Variants in MAML3 observed in about 807,000 individuals in gnomAD.
MAML3 encodes the protein mastermind-like protein 3.
In MAML3, 27 loss-of-function variants were observed where a neutral mutation model predicts 101.9. That is an observed-to-expected ratio of 0.27 (90% CI 0.20 to 0.37). MAML3 has a LOEUF of 0.37. Ranked by LOEUF, MAML3 falls within the 10% of genes least tolerant of loss-of-function variation. MAML3 has a pLI of 1.00. For missense variants in MAML3, 1,316 were observed against 1,444.9 expected (o/e 0.91, Z 1.45); for synonymous variants, 501 against 555.9 (o/e 0.90, Z 1.39).
chr4:139,975,128 T>C (rs1159999490), intron 1 of MAML3, among the ~76,000 whole-genome samples: 1 of 152,090 alleles, frequency 6.6e-6, no homozygotes, highest in Non-Finnish European at 1.5e-5. Context: ...CTCTCTCAGA[T>C]AAAAGCCAAA....
chr4:139,934,391 G>C (rs1221279068), intron 1 of MAML3, among the ~76,000 whole-genome samples: 1 of 152,002 alleles, frequency 6.6e-6, no homozygotes, highest in Non-Finnish European at 1.5e-5. Flanking sequence ...GGAAATAAGA[G>C]GGTGTGTGAA....
chr4:140,087,711 T>C (rs1343116367), intron 1 of MAML3, among the ~76,000 whole-genome samples: 2 of 152,216 alleles, frequency 1.3e-5, no homozygotes, highest in Non-Finnish European at 2.9e-5. Context: ...AATGAGGGTG[T>C]GTACTTTTCA....
At chr4:140,094,516 GC>G (rs1371568355) in intron 1 of MAML3, among the ~76,000 whole-genome samples, 2 of 152,142 alleles carry the variant, frequency 1.3e-5, no homozygotes, top group Non-Finnish European at 1.5e-5. Flanking sequence ...CTTCTCTCAG[GC>G]CTTCTAATTA....
chr4:139,734,063 C>G (rs1301715621), intron 2 of MAML3, among the ~76,000 whole-genome samples: 1 of 152,172 alleles, frequency 6.6e-6, no homozygotes, highest in African/African-American at 2.4e-5. Flanking sequence ...CTGCGGCATT[C>G]AACAGTGGAT....
At chr4:139,772,799 A>G (rs1730022710) in intron 2 of MAML3, among the ~76,000 whole-genome samples, 1 of 151,728 alleles carries the variant, frequency 6.6e-6, no homozygotes, top group African/African-American at 2.4e-5. Context: ...ACCATAGGAA[A>G]GAATAAAGTA....
chr4:139,822,225 TCACCAC>T (rs34942904), intron 2 of MAML3, among the ~76,000 whole-genome samples: 3,214 of 126,646 alleles, frequency 0.025, 88 homozygotes, highest in African/African-American at 0.062. Flanking sequence ...ATTATCACCA[TCACCAC>T]CACCACCACC....
At chr4:139,917,945 G>A (rs777285178) in intron 1 of MAML3, among the ~76,000 whole-genome samples, 3 of 152,068 alleles carry the variant, frequency 2.0e-5, no homozygotes, top group South Asian at 2.1e-4. Flanking sequence ...TACTTGAGGC[G>A]AGTCCCTTTA....
chr4:139,899,462 T>C (rs544811820), intron 1 of MAML3, among the ~76,000 whole-genome samples: 14 of 152,364 alleles, frequency 9.2e-5, no homozygotes, highest in African/African-American at 3.1e-4. Context: ...CTCCACATTA[T>C]ATATTTCCCT....
intron 2 of MAML3, among the ~76,000 whole-genome samples, chr4:139,751,528 T>C (rs1729500245): frequency 6.6e-6 from 1 of 152,256 alleles, no homozygotes; most frequent in Admixed American, 6.5e-5. Flanking sequence ...GTGTGAAATT[T>C]TCCACATGTG....
intron 2 of MAML3, among the ~76,000 whole-genome samples, chr4:139,881,472 A>C (rs1347913021): frequency 6.6e-6 from 1 of 152,160 alleles, no homozygotes; most frequent in South Asian, 2.1e-4. Context: ...AAAACAATCT[A>C]CAAACATTGA....
intron 2 of MAML3, among the ~76,000 whole-genome samples, chr4:139,763,535 G>A (rs886767919): frequency 3.9e-5 from 6 of 152,094 alleles, no homozygotes; most frequent in South Asian, 2.1e-4. Flanking sequence ...AGGTTCAGGG[G>A]GAGCCGAAAT....
Position 140,130,915 on chromosome 4 carries a change from G to A in MAML3, c.468+21945C>T, listed in dbSNP as rs767332933. Among the ~76,000 whole-genome samples, 7 of 152,170 alleles carry A rather than the reference G, an allele frequency of 4.6e-5. No homozygotes were observed. In the South Asian group the frequency reaches 6.2e-4, roughly 14 times the overall value. On this transcript the variant is annotated intron_variant, in intron 1 of 4. Transcript: ENST00000509479. ...ATAAGCAACACAGGACAACTGCCAC[G>A]TCATGTATAAGGTGCTAGGAGAGCA...
At chr4:139,973,485 G>A (rs1328958442) in intron 1 of MAML3, among the ~76,000 whole-genome samples, 1 of 152,190 alleles carries the variant, frequency 6.6e-6, no homozygotes, top group African/African-American at 2.4e-5. Context: ...GTTAAGTGTA[G>A]TAAGTGTAGG....
At chr4:139,892,395 T>C (rs1291621383) in intron 1 of MAML3, among the ~76,000 whole-genome samples, 2 of 152,080 alleles carry the variant, frequency 1.3e-5, no homozygotes, top group African/African-American at 4.8e-5. Context: ...GGATTCCACC[T>C]CCAAAATATA....
At chr4:140,002,352 G>GCC (rs1734940455) in intron 1 of MAML3, among the ~76,000 whole-genome samples, 1 of 152,006 alleles carries the variant, frequency 6.6e-6, no homozygotes, top group Non-Finnish European at 1.5e-5. Flanking sequence ...TTCTCTACCT[G>GCC]ATGTCTGCCC....
chr4:139,741,891 C>T (rs62322603), intron 2 of MAML3, among the ~76,000 whole-genome samples: 5 of 151,786 alleles, frequency 3.3e-5, no homozygotes, highest in African/African-American at 9.7e-5. Context: ...ATTTTTAAAA[C>T]GCCCTATTGT....
In MAML3 at chr4:139,730,605, G is replaced by A. The variant is rs546915831; in HGVS notation, c.2142C>T (p.Gly714=). 1 of 1,612,084 alleles carries A rather than the reference G, an allele frequency of 6.2e-7. No homozygotes were observed. The highest frequency in any genetic ancestry group is 8.5e-7 in the Non-Finnish European group (1 of 1,179,306). ...TGGCTCCTGAGACCATGCCACCTGA[G>A]CCTGGGGGCACGGAGGACTGCATGG... ...TGPMQSSVPP[G]SGGMVSGASP... Residue 714 remains glycine (G), a synonymous_variant, in exon 3 of 5, where the codon GGC becomes GGT. Coordinates refer to ENST00000509479, the MANE Select transcript of MAML3 (RefSeq NM_018717.5).
intron 2 of MAML3, among the ~76,000 whole-genome samples, chr4:139,751,214 T>C (rs1181256157): frequency 3.9e-5 from 6 of 152,248 alleles, no homozygotes; most frequent in Non-Finnish European, 8.8e-5. Context: ...TTAGATTTTC[T>C]AGGAGACTAC....
intron 1 of MAML3, among the ~76,000 whole-genome samples, chr4:140,126,866 C>A (rs116017314): frequency 8.5e-5 from 13 of 152,268 alleles, no homozygotes; most frequent in African/African-American, 2.2e-4. Flanking sequence ...TTCTCTCAGT[C>A]CCCCCTGTCT....
Sources: gnomAD v4.1 joint callset for allele counts (sites outside exome capture counted in the v4.1 genomes callset) on GRCh38, gnomAD v4.1.1 for gene constraint, MANE v1.5 for transcripts, NCBI Gene and HGNC (gene_info 2026-07-23, HGNC 2026-07-21) for gene names.